The following ANKRD31 variants were observed in gnomAD, a reference collection of about 807,000 sequenced individuals.
ANKRD31 encodes ankyrin repeat domain-containing protein 31.
A neutral mutation model predicts 186.0 loss-of-function variants in ANKRD31; 147 were observed. The observed-to-expected ratio is 0.79, with a 90% CI of 0.69 to 0.91. The LOEUF (loss-of-function observed/expected upper bound fraction) is 0.91. ANKRD31 is among the 40% of genes least tolerant of loss of function. The pLI is 0.00. For synonymous variants in ANKRD31, 673 were observed against 736.4 expected, an observed-to-expected ratio of 0.91 and a Z score of 1.39; for missense variants, 1,986 against 2,148.8, an observed-to-expected ratio of 0.92 and a Z score of 1.50.
At chr5:75,139,177 TATTCATTCTAGCAGTTGATTA>T (rs1485665606) in intron 15 of ANKRD31, among the ~76,000 whole-genome samples, 194 bp from the exon 16 acceptor site, 2 of 152,220 alleles carry the variant, frequency 1.3e-5, no homozygotes, top group African/African-American at 4.8e-5. Context: ...CATTACTTTG[TATTCATTCTAGCAGTTGATTA>T]ATCACTCTAT....
intron 2 of ANKRD31, among the ~76,000 whole-genome samples, chr5:75,224,831 C>A (rs2150312827): frequency 6.6e-6 from 1 of 152,128 alleles, no homozygotes; most frequent in East Asian, 1.9e-4. Flanking sequence ...CAAAATATAT[C>A]ATGAATAATA....
intron 2 of ANKRD31, among the ~76,000 whole-genome samples, chr5:75,228,031 C>A (rs188169976): frequency 6.6e-6 from 1 of 152,266 alleles, no homozygotes; most frequent in Non-Finnish European, 1.5e-5. Flanking sequence ...GAAACTGGTC[C>A]CTGGTGCCAA....
Position 75,192,700 on chromosome 5 carries a change from TC to T in ANKRD31, c.1374del (p.Ile459SerfsTer14). ...MHSARFKNGK[Q>X]IRKNEQFSGK... is the part of the protein sequence containing the mutation. ...CCTGAAAATTGTTCATTTTTCCTGA[TC>T]TGTTTTCCATTCTTGAACCTTGCTG... On this transcript the variant is annotated frameshift_variant, in exon 9 of 26. Coordinates refer to ENST00000506364, the MANE Select transcript of ANKRD31 (RefSeq NM_001372053.1). LOFTEE classifies it high-confidence loss of function. 6.5e-7 allele frequency: 1 copy of T among 1,534,838 alleles called. No homozygotes were observed. The highest frequency in any genetic ancestry group is 2.5e-5 in the East Asian group (1 of 40,756).
At chr5:75,161,933 T>C (rs978648174) in intron 11 of ANKRD31, among the ~76,000 whole-genome samples, 3 of 152,146 alleles carry the variant, frequency 2.0e-5, no homozygotes, top group African/African-American at 7.2e-5. Flanking sequence ...AGAAGACGTA[T>C]GGAAATGCCT....
chr5:75,147,513 A>G lies in ANKRD31; in HGVS notation c.1906-8T>C. The G allele has an allele frequency of 7.1e-7, 1 of 1,409,962 alleles. No homozygotes were observed. The highest frequency in any genetic ancestry group is 9.3e-7 in the Non-Finnish European group (1 of 1,080,150). 87.3% of individuals were successfully genotyped at this position (1,409,962 alleles called of 1,614,324 possible). Reference sequence around the variant, plus strand: ...AGAACTGAACTTTGGTTTCTATAGAAAAAAAATACATAGTTAGCTTTAATT... The same window carrying G: ...AGAACTGAACTTTGGTTTCTATAGAGAAAAAATACATAGTTAGCTTTAATT... On this transcript the variant is annotated splice_region_variant and splice_polypyrimidine_tract_variant and intron_variant, in intron 13 of 25. Transcript: ENST00000506364.
chr5:75,080,659 T>C lies in ANKRD31; in HGVS notation c.5576-20A>G. The C allele has an allele frequency of 6.6e-7, 1 of 1,514,620 alleles. No individual in the cohort carries two copies. Among genetic ancestry groups the C allele is most frequent in the Non-Finnish European group, 8.8e-7 (1 of 1,134,752 alleles). The allele number at this position is 1,514,620 out of a possible 1,614,324, so 93.8% of individuals were successfully genotyped here. On this transcript the variant is annotated intron_variant, in intron 24 of 25. Coordinates refer to ENST00000506364, the MANE Select transcript of ANKRD31 (RefSeq NM_001372053.1). ...CAACTTCTGAAAGTGAAACAAAACG[T>C]TAGTAATAATTTTGCTGAATTAGGG...
intron 5 of ANKRD31, among the ~76,000 whole-genome samples, chr5:75,200,632 G>T (rs1755761479): frequency 6.6e-6 from 1 of 150,930 alleles, no homozygotes; most frequent in Admixed American, 6.6e-5. Context: ...AAGTATTCTG[G>T]CCAGGCACAG....
chr5:75,204,488 A>C (rs1339631327), intron 5 of ANKRD31, among the ~76,000 whole-genome samples: 2 of 152,218 alleles, frequency 1.3e-5, no homozygotes, highest in Non-Finnish European at 2.9e-5. Flanking sequence ...TTGGTGTTAC[A>C]AAAGCTTTTC....
intron 20 of ANKRD31, among the ~76,000 whole-genome samples, chr5:75,108,472 T>A (rs1747509853): frequency 6.6e-6 from 1 of 152,112 alleles, no homozygotes; most frequent in African/African-American, 2.4e-5. Context: ...ACTGAAAGGG[T>A]TAAATGCATA....
At chr5:75,107,691 C>A in intron 20 of ANKRD31, 74 bp from the exon 21 acceptor site, 2 of 841,050 alleles carry the variant, frequency 2.4e-6, no homozygotes, top group East Asian at 2.7e-5. Flanking sequence ...GAGAATTAGC[C>A]CTATTGTTAA....
intron 17 of ANKRD31, among the ~76,000 whole-genome samples, chr5:75,132,238 C>A (rs1749916105): frequency 6.6e-6 from 1 of 152,172 alleles, no homozygotes; most frequent in African/African-American, 2.4e-5. Context: ...GGAGGATGCT[C>A]AAACTCATCG....
chr5:75,112,740 C>T, intron 19 of ANKRD31, 140 bp from the exon 20 acceptor site: 1 of 506,700 alleles, frequency 2.0e-6, no homozygotes, highest in South Asian at 3.9e-5. Flanking sequence ...TCAAAATGTA[C>T]TCATACGTTG....
At chr5:75,215,937 T>C (rs1490515849) in intron 3 of ANKRD31, among the ~76,000 whole-genome samples, 4 of 152,060 alleles carry the variant, frequency 2.6e-5, no homozygotes, top group Non-Finnish European at 1.5e-5. Context: ...GATAAAACAA[T>C]GAAAGAAGCA....
At chr5:75,178,345 G>C (rs1753991344) in intron 10 of ANKRD31, among the ~76,000 whole-genome samples, 1 of 152,106 alleles carries the variant, frequency 6.6e-6, no homozygotes, top group Admixed American at 6.6e-5. Flanking sequence ...AGTTAACAAG[G>C]ATATCCAGGA....
chr5:75,171,622 A>T (rs558425229), intron 10 of ANKRD31, among the ~76,000 whole-genome samples: 1 of 151,962 alleles, frequency 6.6e-6, no homozygotes, highest in Non-Finnish European at 1.5e-5. Context: ...TAAAGTATAA[A>T]ACAAATAACA....
chr5:75,127,449 A>G lies in ANKRD31; in HGVS notation c.3877-9152T>C, dbSNP rs185766483. Among the ~76,000 whole-genome samples the G allele has an allele frequency of 2.4e-3, 369 of 152,296 alleles. 2 individuals carry two copies. The highest frequency in any genetic ancestry group is 8.7e-3 in the African/African-American group (361 of 41,554). On this transcript the variant is annotated intron_variant, in intron 17 of 25. Coordinates refer to ENST00000506364, the MANE Select transcript of ANKRD31 (RefSeq NM_001372053.1). ...CAGGACAGCACTCTTTAAGAAAGAA[A>G]TATCTAGCCCCAAATGTCATTTATG...
At chr5:75,229,889 A>G (rs1301233672) in intron 2 of ANKRD31, among the ~76,000 whole-genome samples, 1 of 57,626 alleles carries the variant, frequency 1.7e-5, no homozygotes, top group Non-Finnish European at 2.9e-5. Context: ...AAAAAAAAAC[A>G]AAAAAAACAT....
At chr5:75,099,042 A>G (rs920739196) in intron 22 of ANKRD31, among the ~76,000 whole-genome samples, 1 of 152,176 alleles carries the variant, frequency 6.6e-6, no homozygotes, top group Admixed American at 6.5e-5. Context: ...GTTTTTGCCC[A>G]TTCAGTATGA....
intron 5 of ANKRD31, among the ~76,000 whole-genome samples, chr5:75,202,076 C>A (rs149721511): frequency 1.4e-3 from 216 of 152,332 alleles, no homozygotes; most frequent in Non-Finnish European, 2.2e-3. Context: ...TCATCTTACA[C>A]ATATTGATTG....
Sources: gnomAD v4.1 joint callset for allele counts (sites outside exome capture counted in the v4.1 genomes callset) on GRCh38, gnomAD v4.1.1 for gene constraint, MANE v1.5 for transcripts, NCBI Gene and HGNC (gene_info 2026-07-23, HGNC 2026-07-21) for gene names.